Variants in UCP1 observed in about 807,000 individuals in gnomAD.
The protein encoded by UCP1 is mitochondrial brown fat uncoupling protein 1.
A neutral mutation model predicts 26.2 loss-of-function variants in UCP1; 24 were observed. That is an observed-to-expected ratio of 0.92 (90% confidence interval 0.66 to 1.29). The LOEUF (loss-of-function observed/expected upper bound fraction) is 1.29, where lower values mean the gene tolerates loss of function less well. UCP1 is among the 50% of genes most tolerant of loss of function. The probability of loss-of-function intolerance (pLI) is 0.00; values close to 1 mark genes in which losing one functional copy is unlikely to be tolerated. For synonymous variants in UCP1, 164 were observed against 156.8 expected, an observed-to-expected ratio of 1.05 and a Z score of -0.34; for missense variants, 402 against 388.7, an observed-to-expected ratio of 1.03 and a Z score of -0.29.
At chr4:140,562,525 A>G (rs2110908278) in intron 4 of UCP1, 152 bp from the exon 5 acceptor site, 5 of 852,228 alleles carry the variant, frequency 5.9e-6, no homozygotes, top group Non-Finnish European at 7.2e-6. Context: ...ATTGCACTAG[A>G]AAAAGAAGGT....
Position 140,563,537 on chromosome 4 carries a change from AATT to A in UCP1, c.326-22_326-20del. 1 of 1,607,914 alleles carries A rather than the reference AATT, an allele frequency of 6.2e-7. No homozygotes were observed. Among genetic ancestry groups the A allele is most frequent in the Non-Finnish European group, 8.5e-7 (1 of 1,177,352 alleles). On this transcript the variant is annotated intron_variant, in intron 2 of 5. Transcript: ENST00000262999. The stretch of plus-strand genomic sequence containing the variant: ...GGTGCTGCTATCCAGAGAGAAAAAA[AATT>A]ATTAAGAAAAAAAATTAAAGACCTA...
Position 140,563,174 on chromosome 4 carries a change from A to T in UCP1, c.564T>A (p.Asn188Lys). ...GATCATATGTTACTAGCTCTGTACA[A>T]TTGATGATGACACTTCTCATCAGAT... ...TPNLMRSVIINCTELVTYDLM... is the reference protein window; with the variant it reads ...TPNLMRSVIIKCTELVTYDLM... The change falls in exon 4 of 6, where the codon AAT becomes AAA. Residue 188 changes from asparagine to lysine, a missense_variant. By Grantham distance (94) the Asn-to-Lys change is moderately conservative. Coordinates refer to ENST00000262999, the MANE Select transcript of UCP1 (RefSeq NM_021833.5). The T allele has an allele frequency of 6.2e-7, 1 of 1,613,858 alleles. No individual in the cohort carries two copies. The highest frequency in any genetic ancestry group is 1.6e-4 in the Middle Eastern group (1 of 6,062).
intron 1 of UCP1, among the ~76,000 whole-genome samples, chr4:140,568,388 C>T (rs1735852450): frequency 6.6e-6 from 1 of 152,096 alleles, no homozygotes; most frequent in Admixed American, 6.6e-5. Context: ...ATGGTCAACC[C>T]ATTCTCTGTG....
chr4:140,562,285 T>C lies in UCP1; in HGVS notation c.717A>G (p.Arg239=). The C allele has an allele frequency of 6.2e-7, 1 of 1,614,134 alleles. No individual in the cohort carries two copies. Among genetic ancestry groups the C allele is most frequent in the Non-Finnish European group, 8.5e-7 (1 of 1,180,010 alleles). The stretch of plus-strand genomic sequence containing the variant: ...ACTGTCCTGGTGGAGAATTAATAAA[T>C]CTGGTTTTTACTACATCCACCGGGG... ...MSSPVDVVKT[R]FINSPPGQYK... is the part of the protein sequence containing the mutation. The change falls in exon 5 of 6, where the codon AGA becomes AGG. Residue 239 remains arginine (R), a synonymous_variant. Coordinates refer to ENST00000262999, the MANE Select transcript of UCP1 (RefSeq NM_021833.5).
Position 140,559,936 on chromosome 4 carries a change from T to C in UCP1, c.884A>G (p.Glu295Gly). Residue 295 changes from glutamate (E) to glycine (G), a missense_variant, in exon 6 of 6, where the codon GAA (glutamate) becomes GGA (glycine). By Grantham distance (98) the Glu-to-Gly change is moderately conservative (BLOSUM62 -2). Coordinates refer to ENST00000262999, the MANE Select transcript of UCP1 (RefSeq NM_021833.5). ...MFVCFEQLKR[E>G]LSKSRQTMDC... ...CATAGTCTGCCTTGACTTTGACAGTTCTCGTTTCAGTTGTTCAAAGCACAC... is the reference window on the plus strand; with the variant it reads ...CATAGTCTGCCTTGACTTTGACAGTCCTCGTTTCAGTTGTTCAAAGCACAC... 1.2e-6 allele frequency: 2 copies of C among 1,614,136 alleles called. No homozygotes were observed. Among genetic ancestry groups the C allele is most frequent in the Non-Finnish European group, 1.7e-6 (2 of 1,180,002 alleles).
Position 140,560,012 on chromosome 4 carries a change from T to A in UCP1, c.810-2A>T. ...AGTCGCAAGAAGGAAGGTACCAACC[T>A]AGAAAAGTGCATGTCATCGTTCGAT... is the stretch of plus-strand genomic sequence containing the variant. On this transcript the variant is annotated splice_acceptor_variant, in intron 5 of 5. Coordinates refer to ENST00000262999, the MANE Select transcript of UCP1 (RefSeq NM_021833.5). LOFTEE classifies it high-confidence loss of function. 1.2e-6 allele frequency: 2 copies of A among 1,611,166 alleles called. No individual in the cohort carries two copies. The highest frequency in any genetic ancestry group is 1.7e-6 in the Non-Finnish European group (2 of 1,177,432).
chr4:140,560,687 T>G (rs145573095), intron 5 of UCP1, among the ~76,000 whole-genome samples: 233 of 152,188 alleles, frequency 1.5e-3, no homozygotes, highest in African/African-American at 5.3e-3. Flanking sequence ...CTGCCCCAAT[T>G]TTTTTCCTTC....
Position 140,568,810 on chromosome 4 carries a change from G to T in UCP1, c.-81C>A. ...GAAGTTCCTTTCCCTTGCTCTTCAC[G>T]CCTGTCCGCCGGGCAGCAAACCCGA... On this transcript the variant is annotated 5_prime_UTR_variant, in exon 1 of 6. Transcript: ENST00000262999. The T allele has an allele frequency of 1.3e-6, 2 of 1,529,222 alleles. No homozygotes were observed. The highest frequency in any genetic ancestry group is 1.8e-6 in the Non-Finnish European group (2 of 1,140,540). The allele number at this position is 1,529,222 out of a possible 1,614,324, so 94.7% of individuals were successfully genotyped here.
chr4:140,568,816 C>T lies in UCP1; in HGVS notation c.-87G>A, dbSNP rs1735869590. ...CCTTTCCCTTGCTCTTCACGCCTGT[C>T]CGCCGGGCAGCAAACCCGATTTCTG... On this transcript the variant is annotated 5_prime_UTR_variant, in exon 1 of 6. Transcript: ENST00000262999. 8 of 1,528,152 alleles carry T rather than the reference C, an allele frequency of 5.2e-6. No homozygotes were observed. The Admixed American group carries it at 1.6e-4, about 30-fold the overall frequency. 94.7% of individuals were successfully genotyped at this position (1,528,152 alleles called of 1,614,324 possible). A position where few individuals can be genotyped will look rare whatever the true frequency, so the allele number is the denominator to read the frequency against.
At chr4:140,567,210 C>T (rs1473345589) in intron 2 of UCP1, among the ~76,000 whole-genome samples, 1 of 152,220 alleles carries the variant, frequency 6.6e-6, no homozygotes, top group East Asian at 1.9e-4. Flanking sequence ...CATTCGTCCA[C>T]TTTTTCTGCT....
At chr4:140,564,050 A>T (rs964313360) in intron 2 of UCP1, among the ~76,000 whole-genome samples, 1 of 152,244 alleles carries the variant, frequency 6.6e-6, no homozygotes, top group African/African-American at 2.4e-5. Context: ...TTCAAGGAAC[A>T]AGAAAACACA....
chr4:140,563,561 A>C, intron 2 of UCP1, 43 bp from the exon 3 acceptor site: 1 of 1,543,180 alleles, frequency 6.5e-7, no homozygotes, highest in Non-Finnish European at 8.9e-7. Context: ...AAAATTAAAG[A>C]CCTAGAATGC....
intron 5 of UCP1, 82 bp from the exon 6 acceptor site, chr4:140,560,092 GC>G: frequency 8.5e-7 from 1 of 1,175,394 alleles, no homozygotes. Flanking sequence ...TCACCCTGCC[GC>G]CCAGGCTGGA....
At chr4:140,563,286 G>T (rs751162311) in intron 3 of UCP1, 32 bp downstream of exon 3, 1 of 1,613,428 alleles carries the variant, frequency 6.2e-7, no homozygotes, top group East Asian at 2.2e-5. Flanking sequence ...ATGTGCTTTG[G>T]TGGTTATAAA....
rs902347948 is a variant in UCP1 at position 140,565,298 on chromosome 4, T to C, written c.326-1780A>G. Among the ~76,000 whole-genome samples, 3 of 152,188 alleles carry C rather than the reference T, an allele frequency of 2.0e-5. No individual in the cohort carries two copies. In the East Asian group the frequency reaches 5.8e-4, roughly 29 times the overall value. ...CTACCTGTCCCTTATGCCTTACTTC[T>C]ATTTGTTCACCAAGTCAATTCAATT... On this transcript the variant is annotated intron_variant, in intron 2 of 5. Coordinates refer to ENST00000262999, the MANE Select transcript of UCP1 (RefSeq NM_021833.5).
At position 140,559,818 on chromosome 4, in the gene UCP1, G is replaced by A; in HGVS notation, c.*78C>T. 7.6e-7 allele frequency: 1 copy of A among 1,310,708 alleles called. No homozygotes were observed. Among genetic ancestry groups the A allele is most frequent in the Non-Finnish European group, 1.1e-6 (1 of 916,422 alleles). 81.2% of individuals were successfully genotyped at this position (1,310,708 alleles called of 1,614,324 possible). The stretch of plus-strand genomic sequence containing the variant: ...CCTTTATCTTTTTAGGTTAAAATAA[G>A]TGAATAAGTTTTGTTTGTTTTTATG... On this transcript the variant is annotated 3_prime_UTR_variant, in exon 6 of 6. Coordinates refer to ENST00000262999, the MANE Select transcript of UCP1 (RefSeq NM_021833.5).
At chr4:140,568,478 C>G (rs1578792158) in intron 1 of UCP1, 126 bp downstream of exon 1, 3 of 1,496,580 alleles carry the variant, frequency 2.0e-6, no homozygotes, top group Non-Finnish European at 2.7e-6. Context: ...CAAGGCCAGA[C>G]TGCTTTGGAA....
At chr4:140,563,263 G>C (rs1259087814) in intron 3 of UCP1, 52 bp from the exon 4 acceptor site, 1 of 1,610,948 alleles carries the variant, frequency 6.2e-7, no homozygotes, top group African/African-American at 1.3e-5. Flanking sequence ...ACAATAAGTT[G>C]CTAGTTGTAT....
intron 2 of UCP1, among the ~76,000 whole-genome samples, chr4:140,565,355 T>A (rs1357272980): frequency 1.3e-5 from 2 of 152,336 alleles, no homozygotes; most frequent in Middle Eastern, 3.4e-3. Context: ...TTGACATCTC[T>A]TTTTCCCTAT....
Sources: gnomAD v4.1 joint callset for allele counts (sites outside exome capture counted in the v4.1 genomes callset) on GRCh38, gnomAD v4.1.1 for gene constraint, MANE v1.5 for transcripts, NCBI Gene and HGNC (gene_info 2026-07-23, HGNC 2026-07-21) for gene names.